GTF2IRD1: variants seen among roughly 807,000 people sequenced by gnomAD.
GTF2IRD1 encodes GTF2I repeat domain containing 1.
A neutral mutation model predicts 113.2 loss-of-function variants in GTF2IRD1; 26 were observed. The ratio of observed to expected loss-of-function variants is 0.23; its 90% CI spans 0.17 to 0.32. The LOEUF is 0.32. Ranked by LOEUF, GTF2IRD1 falls within the 10% of genes least tolerant of loss-of-function variation. The pLI is 1.00. For synonymous variants in GTF2IRD1, 484 were observed against 529.1 expected (o/e 0.91, Z 1.17); for missense variants, 864 against 1,280.8 (o/e 0.67, Z 4.97).
At chr7:74,593,631 G>A (rs1308772717) in intron 24 of GTF2IRD1, among the ~76,000 whole-genome samples, 2 of 150,880 alleles carry the variant, frequency 1.3e-5, no homozygotes, top group African/African-American at 2.4e-5. Context: ...TACTCGAGAG[G>A]CTGAGGCAGG....
chr7:74,525,611 CG>C (rs1451738944), intron 8 of GTF2IRD1, among the ~76,000 whole-genome samples: 1 of 151,938 alleles, frequency 6.6e-6, no homozygotes, highest in Non-Finnish European at 1.5e-5. Context: ...ATTAACTGGG[CG>C]TGGCATGGTG....
At chr7:74,464,046 T>C (rs1793560278) in intron 1 of GTF2IRD1, among the ~76,000 whole-genome samples, 1 of 152,160 alleles carries the variant, frequency 6.6e-6, no homozygotes, top group Non-Finnish European at 1.5e-5. Flanking sequence ...TTACCAGAGT[T>C]ACCTGTTAGA....
At chr7:74,474,939 T>TC (rs1794315025) in intron 1 of GTF2IRD1, among the ~76,000 whole-genome samples, 1 of 151,910 alleles carries the variant, frequency 6.6e-6, no homozygotes, top group South Asian at 2.1e-4. Flanking sequence ...ATAGCAAAAC[T>TC]CCATCTCTAC....
intron 1 of GTF2IRD1, among the ~76,000 whole-genome samples, chr7:74,482,700 C>T (rs1327918634): frequency 2.6e-5 from 4 of 152,120 alleles, no homozygotes; most frequent in Admixed American, 6.6e-5. Flanking sequence ...CCACGATAAC[C>T]GCCGTTCCAT....
intron 22 of GTF2IRD1, among the ~76,000 whole-genome samples, chr7:74,580,702 A>AG (rs1172717454): frequency 6.6e-6 from 1 of 152,020 alleles, no homozygotes; most frequent in Admixed American, 6.6e-5. Context: ...AATGAGCAGG[A>AG]GGGGGGCAGG....
intron 14 of GTF2IRD1, among the ~76,000 whole-genome samples, chr7:74,542,107 A>G (rs1376201875): frequency 6.6e-6 from 1 of 151,216 alleles, no homozygotes; most frequent in Admixed American, 6.6e-5. Context: ...AAAAAAAAAA[A>G]CAAAAATAGG....
chr7:74,560,824 T>C (rs1411532991), intron 22 of GTF2IRD1, among the ~76,000 whole-genome samples: 2 of 151,798 alleles, frequency 1.3e-5, no homozygotes, highest in Non-Finnish European at 2.9e-5. Context: ...CAAGTGATCC[T>C]CCTGCCTCAG....
At chr7:74,519,030 G>A (rs1797111739) in intron 5 of GTF2IRD1, among the ~76,000 whole-genome samples, 1 of 152,214 alleles carries the variant, frequency 6.6e-6, no homozygotes, top group South Asian at 2.1e-4. Context: ...CAGTTGTCAG[G>A]AGAGCCAAGA....
At chr7:74,470,272 C>T (rs563357623) in intron 1 of GTF2IRD1, among the ~76,000 whole-genome samples, 1 of 152,280 alleles carries the variant, frequency 6.6e-6, no homozygotes, top group Admixed American at 6.5e-5. Context: ...AAGCATAAGC[C>T]ACCACACACG....
intron 14 of GTF2IRD1, among the ~76,000 whole-genome samples, chr7:74,541,925 T>A (rs1419885123): frequency 1.3e-5 from 2 of 150,356 alleles, no homozygotes. Context: ...GATAGATAGA[T>A]AGATAGATAG....
chr7:74,540,080 T>G (rs1798546923), intron 14 of GTF2IRD1, 112 bp downstream of exon 14: 1 of 727,304 alleles, frequency 1.4e-6, no homozygotes. Flanking sequence ...CCGTCTGTAG[T>G]AGAGGAAACC....
At chr7:74,487,265 G>A (rs1554335730) in intron 1 of GTF2IRD1, among the ~76,000 whole-genome samples, 2 of 152,134 alleles carry the variant, frequency 1.3e-5, no homozygotes, top group East Asian at 1.9e-4. Context: ...CTTGAACTCC[G>A]GACCTCAGGT....
intron 19 of GTF2IRD1, among the ~76,000 whole-genome samples, chr7:74,556,066 A>G (rs587607035): frequency 6.6e-6 from 1 of 152,134 alleles, no homozygotes; most frequent in African/African-American, 2.4e-5. Flanking sequence ...CCTGGCCAAC[A>G]TGGTGAAACC....
intron 1 of GTF2IRD1, among the ~76,000 whole-genome samples, chr7:74,504,984 A>G (rs782743200): frequency 1.3e-5 from 2 of 152,032 alleles, no homozygotes; most frequent in Non-Finnish European, 2.9e-5. Flanking sequence ...CTGGGATTAC[A>G]GACATGAGCC....
chr7:74,544,482 A>G (rs1423323383), intron 14 of GTF2IRD1, among the ~76,000 whole-genome samples: 1 of 152,220 alleles, frequency 6.6e-6, no homozygotes, highest in African/African-American at 2.4e-5. Context: ...CACCGTGCCC[A>G]GCCGAGGACT....
chr7:74,497,622 A>G (rs1554338425), intron 1 of GTF2IRD1, among the ~76,000 whole-genome samples: 2 of 152,048 alleles, frequency 1.3e-5, no homozygotes, highest in African/African-American at 4.8e-5. Context: ...ACCATTTTGC[A>G]TCCCTACCAG....
chr7:74,592,761 G>A (rs1361952859), intron 24 of GTF2IRD1, among the ~76,000 whole-genome samples: 7 of 151,982 alleles, frequency 4.6e-5, no homozygotes, highest in Admixed American at 2.0e-4. Flanking sequence ...TCGAACTCCC[G>A]ACCTCAGGTG....
intron 26 of GTF2IRD1, 86 bp downstream of exon 26, chr7:74,601,266 G>T: frequency 6.4e-7 from 1 of 1,550,772 alleles, no homozygotes; most frequent in Non-Finnish European, 8.7e-7. Flanking sequence ...CTGGGATGTG[G>T]GCCCAGGGGA....
chr7:74,464,649 T>C (rs1420351394), intron 1 of GTF2IRD1, among the ~76,000 whole-genome samples: 1 of 152,154 alleles, frequency 6.6e-6, no homozygotes, highest in Non-Finnish European at 1.5e-5. Flanking sequence ...GGTTTCGCCA[T>C]GTTGGCCAGG....
Sources: gnomAD v4.1 joint callset for allele counts (sites outside exome capture counted in the v4.1 genomes callset) on GRCh38, gnomAD v4.1.1 for gene constraint, MANE v1.5 for transcripts, NCBI Gene and HGNC (gene_info 2026-07-23, HGNC 2026-07-21) for gene names.